INVS: variants seen among roughly 807,000 people sequenced by gnomAD.
The protein encoded by INVS is inversin.
In INVS, 86 loss-of-function variants were observed where a neutral mutation model predicts 108.8. That is an observed-to-expected ratio of 0.79 (90% CI 0.66 to 0.95). The LOEUF (loss-of-function observed/expected upper bound fraction) is 0.95, where lower values mean the gene tolerates loss of function less well. INVS is among the 40% of genes least tolerant of loss of function. The pLI is 0.00. For missense variants in INVS, 1,169 were observed against 1,297.4 expected, an observed-to-expected ratio of 0.90 and a Z score of 1.52; for synonymous variants, 455 against 473.5, an observed-to-expected ratio of 0.96 and a Z score of 0.51.
chr9:100,245,169 C>T (rs1287763958), intron 7 of INVS, among the ~76,000 whole-genome samples: 1 of 152,156 alleles, frequency 6.6e-6, no homozygotes, highest in African/African-American at 2.4e-5. Context: ...TTATGTGAGT[C>T]TGAGTTCAGA....
intron 1 of INVS, among the ~76,000 whole-genome samples, chr9:100,099,850 C>G (rs1390277521): frequency 6.6e-6 from 1 of 152,172 alleles, no homozygotes; most frequent in African/African-American, 2.4e-5. Flanking sequence ...CAGGAGCCCA[C>G]GCGATCTCTG....
chr9:100,175,531 T>C lies in INVS; in HGVS notation c.273+48982T>C, dbSNP rs539569265. The C allele has an allele frequency of 9.2e-5, 68 of 742,680 alleles. 1 individual carries two copies. Among genetic ancestry groups the C allele is most frequent in the South Asian group, 8.8e-4 (62 of 70,658 alleles). The allele number at this position is 742,680 out of a possible 1,614,324, so 46.0% of individuals were successfully genotyped here. ...CAGCAGATGCAAGAACTTTACAGCA[T>C]CCTGAATCTTAGCTACAAACAGGTT... On this transcript the variant is annotated intron_variant, in intron 3 of 16. Transcript: ENST00000262457.
At chr9:100,143,860 G>A (rs1245132231) in intron 3 of INVS, among the ~76,000 whole-genome samples, 2 of 152,148 alleles carry the variant, frequency 1.3e-5, no homozygotes, top group East Asian at 3.9e-4. Flanking sequence ...TATCGATTAA[G>A]AAGGGGACGG....
rs1210940162 is a variant in INVS, at chr9:100,139,622, A to C, written c.273+13073A>C. ...TTTTAAAAACAATTTATTGAGGTGAAATACACATAGCATAAAATTAACCCT... is the reference window on the plus strand; with the variant it reads ...TTTTAAAAACAATTTATTGAGGTGACATACACATAGCATAAAATTAACCCT... On this transcript the variant is annotated intron_variant, in intron 3 of 16. Transcript: ENST00000262457. 2.0e-5 allele frequency among the ~76,000 whole-genome samples: 3 copies of C among 152,190 alleles called. No homozygotes were observed. In the East Asian group the frequency reaches 5.8e-4, roughly 29 times the overall value.
chr9:100,279,696 A>C (rs961776480), intron 12 of INVS, among the ~76,000 whole-genome samples: 1 of 152,206 alleles, frequency 6.6e-6, no homozygotes, highest in Non-Finnish European at 1.5e-5. Flanking sequence ...GGACACACTA[A>C]CTAGACTTCT....
At chr9:100,289,622 T>G (rs1221363809) in intron 13 of INVS, among the ~76,000 whole-genome samples, 1 of 152,190 alleles carries the variant, frequency 6.6e-6, no homozygotes, top group Non-Finnish European at 1.5e-5. Context: ...TGGCAATTGG[T>G]GGTGGCTGTT....
At chr9:100,214,004 TTGACATGAGTA>T (rs1467439923) in intron 3 of INVS, among the ~76,000 whole-genome samples, 7 of 152,196 alleles carry the variant, frequency 4.6e-5, no homozygotes, top group Non-Finnish European at 8.8e-5. Flanking sequence ...CAGCATTGTC[TTGACATGAGTA>T]TGCCACTACA....
chr9:100,220,342 G>A (rs898491598), intron 3 of INVS, among the ~76,000 whole-genome samples: 1 of 152,004 alleles, frequency 6.6e-6, no homozygotes, highest in African/African-American at 2.4e-5. Context: ...AGCTCTTGGT[G>A]TTAATTACAG....
intron 7 of INVS, among the ~76,000 whole-genome samples, chr9:100,244,489 A>G (rs1441669244): frequency 2.0e-5 from 3 of 152,194 alleles, no homozygotes; most frequent in Admixed American, 6.5e-5. Flanking sequence ...ATATATACAG[A>G]CACCAATAAT....
intron 3 of INVS, chr9:100,175,869 G>A: frequency 1.6e-6 from 1 of 624,072 alleles, no homozygotes; most frequent in South Asian, 1.4e-5. Flanking sequence ...TATAGCTGTG[G>A]AGAGGAATCT....
At chr9:100,222,655 TCTC>T (rs1357070634) in intron 3 of INVS, among the ~76,000 whole-genome samples, 1 of 152,164 alleles carries the variant, frequency 6.6e-6, no homozygotes, top group African/African-American at 2.4e-5. Context: ...GTTTCCTTCT[TCTC>T]CTTCCCTTTT....
chr9:100,266,960 C>A (rs1364152947), intron 11 of INVS, among the ~76,000 whole-genome samples: 1 of 143,406 alleles, frequency 7.0e-6, no homozygotes, highest in African/African-American at 2.6e-5. Flanking sequence ...CCCTTTACCA[C>A]TTCTTTCAGA....
At chr9:100,203,090 A>G (rs1830578458) in intron 3 of INVS, among the ~76,000 whole-genome samples, 2 of 152,222 alleles carry the variant, frequency 1.3e-5, no homozygotes, top group Admixed American at 1.3e-4. Flanking sequence ...TATATCTCCT[A>G]AGGTACAAAG....
At chr9:100,270,748 C>CAAAAAAAA (rs746291227) in intron 11 of INVS, among the ~76,000 whole-genome samples, 2 of 47,204 alleles carry the variant, frequency 4.2e-5, no homozygotes, top group Non-Finnish European at 8.1e-5. Flanking sequence ...AACTCCATCT[C>CAAAAAAAA]AAAAAAAAAA....
chr9:100,179,781 G>A (rs1415554969), intron 3 of INVS, among the ~76,000 whole-genome samples: 1 of 152,058 alleles, frequency 6.6e-6, no homozygotes, highest in Admixed American at 6.6e-5. Context: ...CTCAGCTCTG[G>A]ACCAAGGAGA....
intron 3 of INVS, among the ~76,000 whole-genome samples, chr9:100,197,556 A>G (rs1026297236): frequency 1.3e-5 from 2 of 152,332 alleles, no homozygotes; most frequent in East Asian, 3.9e-4. Context: ...TCACCTTCCT[A>G]TAAGCCTCCA....
rs1239040739 is a variant in INVS at position 100,100,919 on chromosome 9, TA to T, written c.-25+1504del. ...ATTATATATGTATATATATTATATG[TA>T]TATATATAATATATATAATATATAT... On this transcript the variant is annotated intron_variant, in intron 1 of 16. Coordinates refer to ENST00000262457, the MANE Select transcript of INVS (RefSeq NM_014425.5). Among the ~76,000 whole-genome samples the T allele has an allele frequency of 1.3e-3, 33 of 25,212 alleles. 4 individuals carry two copies. The highest frequency in any genetic ancestry group is 6.2e-3 in the African/African-American group (18 of 2,886). 16.5% of individuals were successfully genotyped at this position (25,212 alleles called of 152,430 possible).
intron 16 of INVS, 83 bp from the exon 17 acceptor site, chr9:100,300,485 C>A: frequency 1.0e-6 from 1 of 972,084 alleles, no homozygotes; most frequent in Admixed American, 1.8e-5. Flanking sequence ...AACCGAAATC[C>A]TTCTTCCTCA....
intron 7 of INVS, among the ~76,000 whole-genome samples, chr9:100,244,809 T>C (rs980366535): frequency 6.6e-6 from 1 of 152,170 alleles, no homozygotes; most frequent in African/African-American, 2.4e-5. Flanking sequence ...CAAAGAAATG[T>C]TTGCAAATTA....
Sources: gnomAD v4.1 joint callset for allele counts (sites outside exome capture counted in the v4.1 genomes callset) on GRCh38, gnomAD v4.1.1 for gene constraint, MANE v1.5 for transcripts, NCBI Gene and HGNC (gene_info 2026-07-23, HGNC 2026-07-21) for gene names.